The following CDKAL1 variants were observed in gnomAD, a reference collection of about 807,000 sequenced individuals.
CDKAL1 encodes CDKAL1 threonylcarbamoyladenosine tRNA methylthiotransferase.
CDKAL1 carries 32 observed loss-of-function variants against 68.2 expected under a neutral mutation model. The observed-to-expected ratio is 0.47, with a 90% CI of 0.35 to 0.63. CDKAL1 has a LOEUF of 0.63. Ranked by LOEUF, CDKAL1 falls within the 30% of genes least tolerant of loss-of-function variation. CDKAL1 has a pLI of 0.00. For missense variants in CDKAL1, 606 were observed against 696.7 expected, an observed-to-expected ratio of 0.87 and a Z score of 1.47; for synonymous variants, 234 against 244.3, an observed-to-expected ratio of 0.96 and a Z score of 0.39.
chr6:20,584,021 A>G (rs991157519), intron 4 of CDKAL1, among the ~76,000 whole-genome samples: 4 of 149,920 alleles, frequency 2.7e-5, no homozygotes, highest in African/African-American at 9.8e-5. Flanking sequence ...AATGTCAGCT[A>G]TGCTGGCAAT....
intron 10 of CDKAL1, among the ~76,000 whole-genome samples, chr6:20,971,350 G>A (rs1005520608): frequency 6.6e-6 from 1 of 152,192 alleles, no homozygotes; most frequent in African/African-American, 2.4e-5. Context: ...CATCAGCATA[G>A]TCTTCCAAAA....
At chr6:20,987,056 T>A (rs1766502854) in intron 10 of CDKAL1, among the ~76,000 whole-genome samples, 1 of 152,166 alleles carries the variant, frequency 6.6e-6, no homozygotes, top group Admixed American at 6.5e-5. Flanking sequence ...AACAAAGATG[T>A]GTAAGCTGAT....
At chr6:20,605,372 T>C (rs189727282) in intron 4 of CDKAL1, among the ~76,000 whole-genome samples, 13 of 152,324 alleles carry the variant, frequency 8.5e-5, no homozygotes, top group Admixed American at 7.2e-4. Context: ...TCGAGTTCTA[T>C]GCTTAATTTT....
chr6:20,570,400 C>T (rs1764651279), intron 4 of CDKAL1, among the ~76,000 whole-genome samples: 1 of 149,166 alleles, frequency 6.7e-6, no homozygotes, highest in African/African-American at 2.5e-5. Flanking sequence ...CTGTGCCCTG[C>T]CAATTAATTT....
chr6:20,798,739 A>G (rs1581600843), intron 8 of CDKAL1, among the ~76,000 whole-genome samples: 3 of 137,666 alleles, frequency 2.2e-5, no homozygotes, highest in South Asian at 5.2e-4. Flanking sequence ...CAGGATGGGG[A>G]ACATCACACA....
chr6:20,592,290 A>G (rs1581780676), intron 4 of CDKAL1, among the ~76,000 whole-genome samples: 1 of 152,166 alleles, frequency 6.6e-6, no homozygotes, highest in Non-Finnish European at 1.5e-5. Context: ...ATATACAATC[A>G]TGTCATCTGC....
At chr6:21,104,471 T>C (rs1040382646) in intron 12 of CDKAL1, among the ~76,000 whole-genome samples, 1 of 151,906 alleles carries the variant, frequency 6.6e-6, no homozygotes, top group East Asian at 1.9e-4. Flanking sequence ...AAGGGCCAGA[T>C]AGTAAATACT....
intron 9 of CDKAL1, among the ~76,000 whole-genome samples, chr6:20,938,400 C>T (rs559796365): frequency 1.1e-3 from 163 of 152,188 alleles, no homozygotes; most frequent in African/African-American, 3.6e-3. Context: ...AAGATATGAT[C>T]GCTAGTTGTG....
At chr6:21,141,513 T>C (rs1775906951) in intron 13 of CDKAL1, among the ~76,000 whole-genome samples, 2 of 152,240 alleles carry the variant, frequency 1.3e-5, no homozygotes, top group South Asian at 4.1e-4. Flanking sequence ...ACTCAGTGCC[T>C]GACACATAGT....
intron 4 of CDKAL1, among the ~76,000 whole-genome samples, chr6:20,643,832 C>G (rs1243722646): frequency 1.3e-5 from 2 of 151,550 alleles, no homozygotes; most frequent in Non-Finnish European, 2.9e-5. Flanking sequence ...CTTTTTTTCC[C>G]TTCTTTTTTT....
intron 5 of CDKAL1, among the ~76,000 whole-genome samples, chr6:20,657,911 G>A (rs1345164340): frequency 6.6e-6 from 1 of 152,100 alleles, no homozygotes; most frequent in African/African-American, 2.4e-5. Context: ...CAGCCTGCTG[G>A]ATGCATACTA....
In CDKAL1 at chr6:20,734,863, CTTTT is replaced by C. The variant is rs34104100; in HGVS notation, c.372-4635_372-4632del. 3.9e-3 allele frequency among the ~76,000 whole-genome samples: 343 copies of C among 87,688 alleles called. 2 individuals carry two copies. The highest frequency in any genetic ancestry group is 0.013 in the African/African-American group (297 of 22,560). The allele number at this position is 87,688 out of a possible 152,430, so 57.5% of individuals were successfully genotyped here. On this transcript the variant is annotated intron_variant, in intron 5 of 15. Coordinates refer to ENST00000274695, the MANE Select transcript of CDKAL1 (RefSeq NM_017774.3). ...GATAAAGGGGCAAGTTGCTGCACCT[CTTTT>C]TTTTTTTTTTTTTTTTTTTTGAGAT...
chr6:20,955,476 T>C lies in CDKAL1; in HGVS notation c.800T>C (p.Ile267Thr), dbSNP rs1442567979. 6.2e-7 allele frequency: 1 copy of C among 1,614,104 alleles called. No individual in the cohort carries two copies. Among genetic ancestry groups the C allele is most frequent in the Non-Finnish European group, 8.5e-7 (1 of 1,179,982 alleles). ...GACACGGGGGCTTATGGCAGAGATA[T>C]TGGCACCAATCTCCCCACACTCCTG... The part of the protein sequence containing the change: ...SEDTGAYGRD[I>T]GTNLPTLLWK... Residue 267 changes from isoleucine to threonine, a missense_variant, in exon 10 of 16, where the codon ATT becomes ACT. Transcript: ENST00000274695.
intron 9 of CDKAL1, among the ~76,000 whole-genome samples, chr6:20,895,867 C>G (rs1761654702): frequency 6.6e-6 from 1 of 152,124 alleles, no homozygotes; most frequent in African/African-American, 2.4e-5. Context: ...AGTTTTGTCC[C>G]TCAACTTTCT....
At chr6:21,130,015 A>G (rs1429215238) in intron 13 of CDKAL1, among the ~76,000 whole-genome samples, 2 of 152,076 alleles carry the variant, frequency 1.3e-5, no homozygotes, top group African/African-American at 4.8e-5. Context: ...GCTGACTCCT[A>G]GTCTGATATG....
intron 8 of CDKAL1, among the ~76,000 whole-genome samples, chr6:20,836,292 A>G (rs578121990): frequency 1.6e-4 from 25 of 152,376 alleles, no homozygotes; most frequent in Non-Finnish European, 2.9e-4. Flanking sequence ...TACCAAAAAT[A>G]TAATGTTTGC....
intron 11 of CDKAL1, among the ~76,000 whole-genome samples, chr6:21,007,662 G>C (rs939759533): frequency 6.6e-6 from 1 of 152,010 alleles, no homozygotes; most frequent in African/African-American, 2.4e-5. Flanking sequence ...TAAGTATACC[G>C]ATAATACTTA....
intron 13 of CDKAL1, among the ~76,000 whole-genome samples, chr6:21,150,415 G>T (rs1776359492): frequency 6.6e-6 from 1 of 152,150 alleles, no homozygotes; most frequent in South Asian, 2.1e-4. Flanking sequence ...CTTTAGTGCA[G>T]GGCCGTGTTC....
chr6:20,691,326 G>T (rs1770861535), intron 5 of CDKAL1, among the ~76,000 whole-genome samples: 1 of 151,906 alleles, frequency 6.6e-6, no homozygotes, highest in Admixed American at 6.6e-5. Flanking sequence ...GAGCAGGTGT[G>T]TGTACAGATG....
Sources: allele counts gnomAD v4.1 joint callset (sites outside exome capture counted in the v4.1 genomes callset), GRCh38; gene constraint gnomAD v4.1.1; transcripts MANE v1.5; gene names NCBI Gene and HGNC (gene_info 2026-07-23, HGNC 2026-07-21).